FOXO3: variants seen among roughly 807,000 people sequenced by gnomAD.
FOXO3 encodes the protein forkhead box protein O3.
In FOXO3, 4 loss-of-function variants were observed where a neutral mutation model predicts 41.9. The observed-to-expected ratio is 0.10, with a 90% CI of 0.05 to 0.22. The LOEUF (loss-of-function observed/expected upper bound fraction) is 0.22, where lower values mean the gene tolerates loss of function less well. Ranked by LOEUF, FOXO3 falls within the 10% of genes least tolerant of loss-of-function variation. The pLI, the probability that FOXO3 is intolerant of heterozygous loss-of-function variation, is 1.00. For missense variants in FOXO3, 534 were observed against 906.8 expected (o/e 0.59, Z 5.28); for synonymous variants, 318 against 389.3 (o/e 0.82, Z 2.16).
intron 2 of FOXO3, among the ~76,000 whole-genome samples, chr6:108,676,967 T>C (rs1325456300): frequency 6.6e-6 from 1 of 152,264 alleles, no homozygotes; most frequent in Admixed American, 6.5e-5. Context: ...TGTTTTACAA[T>C]CTGTTTTCCT....
chr6:108,633,113 A>G (rs939020140), intron 1 of FOXO3, among the ~76,000 whole-genome samples: 1 of 152,186 alleles, frequency 6.6e-6, no homozygotes, highest in Non-Finnish European at 1.5e-5. Flanking sequence ...CATCTTGTTG[A>G]CTGGTATATT....
intron 1 of FOXO3, among the ~76,000 whole-genome samples, chr6:108,626,580 C>CAA (rs1162075327): frequency 1.3e-5 from 2 of 151,144 alleles, no homozygotes; most frequent in African/African-American, 2.4e-5. Flanking sequence ...TCTGCCTTCT[C>CAA]AGATTATTTT....
chr6:108,617,457 T>C (rs1421471391), intron 1 of FOXO3, among the ~76,000 whole-genome samples: 4 of 152,084 alleles, frequency 2.6e-5, no homozygotes, highest in Non-Finnish European at 4.4e-5. Context: ...AAGAGAAAAC[T>C]ATATAGGATT....
chr6:108,610,546 T>C (rs907957570), intron 1 of FOXO3, among the ~76,000 whole-genome samples: 2 of 152,200 alleles, frequency 1.3e-5, no homozygotes, highest in Non-Finnish European at 2.9e-5. Context: ...TTTTGGTTTT[T>C]AAGAGAGAGA....
intron 1 of FOXO3, among the ~76,000 whole-genome samples, chr6:108,645,661 C>G (rs372171318): frequency 2.9e-4 from 44 of 152,278 alleles, no homozygotes; most frequent in African/African-American, 9.6e-4. Flanking sequence ...GAACCCAGCA[C>G]ACATACAAGT....
chr6:108,615,868 T>C (rs1777485663), intron 1 of FOXO3, among the ~76,000 whole-genome samples: 1 of 152,122 alleles, frequency 6.6e-6, no homozygotes, highest in African/African-American at 2.4e-5. Flanking sequence ...GTTAATCCCA[T>C]CCAGTGTATT....
At chr6:108,641,181 A>ATTTTT (rs1778247950) in intron 1 of FOXO3, among the ~76,000 whole-genome samples, 1 of 152,164 alleles carries the variant, frequency 6.6e-6, no homozygotes, top group African/African-American at 2.4e-5. Context: ...GAGTGCTGGG[A>ATTTTT]TTATAAGCGT....
intron 1 of FOXO3, among the ~76,000 whole-genome samples, chr6:108,564,853 A>G (rs995759818): frequency 6.6e-6 from 1 of 151,904 alleles, no homozygotes; most frequent in Non-Finnish European, 1.5e-5. Context: ...TTTCTGATCT[A>G]GTTCAACCCT....
At chr6:108,668,848 C>T (rs915980723) in intron 2 of FOXO3, among the ~76,000 whole-genome samples, 8 of 152,070 alleles carry the variant, frequency 5.3e-5, no homozygotes, top group East Asian at 1.9e-4. Flanking sequence ...ACTTGAAGAC[C>T]GGGCGCAGTG....
At chr6:108,588,372 A>G (rs1051808360) in intron 1 of FOXO3, among the ~76,000 whole-genome samples, 3 of 152,158 alleles carry the variant, frequency 2.0e-5, no homozygotes, top group Non-Finnish European at 4.4e-5. Context: ...AAAAATCAAG[A>G]CTTAAAAAAG....
rs1190986304 is a variant in FOXO3 at position 108,680,455 on chromosome 6, T to C, written c.*663T>C. 1 of 152,260 alleles carries C rather than the reference T, an allele frequency of 6.6e-6. No homozygotes were observed. Among genetic ancestry groups the C allele is most frequent in the Non-Finnish European group, 1.5e-5 (1 of 68,032 alleles). The allele number at this position is 152,260 out of a possible 1,614,324, so 9.4% of individuals were successfully genotyped here. ...TGAACAATGGCACAATTGTTTGCTA[T>C]GTGCACCCGTCCAGGACAGAACCGT... is the stretch of plus-strand genomic sequence containing the variant. On this transcript the variant is annotated 3_prime_UTR_variant, in exon 3 of 3. Coordinates refer to ENST00000406360, the MANE Select transcript of FOXO3 (RefSeq NM_001455.4).
At chr6:108,651,584 C>T (rs1353007588) in intron 1 of FOXO3, among the ~76,000 whole-genome samples, 2 of 152,134 alleles carry the variant, frequency 1.3e-5, no homozygotes, top group African/African-American at 2.4e-5. Context: ...GTATGTGTGA[C>T]GCTAAAGCCA....
At chr6:108,639,695 G>A (rs768389290) in intron 1 of FOXO3, 6 of 314,118 alleles carry the variant, frequency 1.9e-5, no homozygotes, top group South Asian at 1.3e-4. Flanking sequence ...AACTACTTAC[G>A]CACCTTCCTT....
In FOXO3 at chr6:108,663,667, C is replaced by A. The variant is rs1225861103; in HGVS notation, c.834C>A (p.Pro278=). 6.2e-7 allele frequency: 1 copy of A among 1,612,822 alleles called. No individual in the cohort carries two copies. Among genetic ancestry groups the A allele is most frequent in the Non-Finnish European group, 8.5e-7 (1 of 1,179,292 alleles). Residue 278 remains proline, a synonymous_variant, in exon 2 of 3, where the codon CCC becomes CCA. Coordinates refer to ENST00000406360, the MANE Select transcript of FOXO3 (RefSeq NM_001455.4). ...AKKKAALQTA[P]ESADDSPSQL... is the part of the protein sequence containing the mutation. ...AGAAGGCAGCCCTGCAGACAGCCCC[C>A]GAATCAGCTGACGACAGTCCCTCCC...
chr6:108,673,363 T>C (rs893830124), intron 2 of FOXO3, among the ~76,000 whole-genome samples: 2 of 152,220 alleles, frequency 1.3e-5, no homozygotes, highest in Non-Finnish European at 2.9e-5. Context: ...TACCGGAATC[T>C]GCACACCTGG....
intron 1 of FOXO3, among the ~76,000 whole-genome samples, chr6:108,607,634 C>T (rs560254984): frequency 6.6e-6 from 1 of 152,240 alleles, no homozygotes; most frequent in South Asian, 2.1e-4. Context: ...ACATTCTTTT[C>T]AGTCTCTAAA....
At chr6:108,649,815 C>T (rs924617151) in intron 1 of FOXO3, among the ~76,000 whole-genome samples, 4 of 152,300 alleles carry the variant, frequency 2.6e-5, no homozygotes, top group Non-Finnish European at 4.4e-5. Context: ...TAACATTCCA[C>T]ATAATGCCTC....
intron 1 of FOXO3, among the ~76,000 whole-genome samples, chr6:108,608,478 T>G (rs1448786403): frequency 6.6e-6 from 1 of 152,200 alleles, no homozygotes; most frequent in East Asian, 1.9e-4. Flanking sequence ...CAGAGAACTT[T>G]GCAGAACTTT....
chr6:108,665,812 G>GAAAAAAAAA (rs34062396), intron 2 of FOXO3, among the ~76,000 whole-genome samples: 1 of 125,432 alleles, frequency 8.0e-6, no homozygotes, highest in African/African-American at 3.1e-5. Context: ...CTATCTCTTA[G>GAAAAAAAAA]AAAAAAAAAA....
Sources: gnomAD v4.1 joint callset for allele counts (sites outside exome capture counted in the v4.1 genomes callset) on GRCh38, gnomAD v4.1.1 for gene constraint, MANE v1.5 for transcripts, NCBI Gene and HGNC (gene_info 2026-07-23, HGNC 2026-07-21) for gene names.